The following S100A8 variants were observed in gnomAD, a reference collection of about 807,000 sequenced individuals.
S100A8 encodes the protein S100 calcium binding protein A8, also known as protein S100-A8.
A neutral mutation model predicts 4.2 loss-of-function variants in S100A8; 1 was observed. The observed-to-expected ratio is 0.24, with a 90% CI of 0.08 to 1.12. The LOEUF (loss-of-function observed/expected upper bound fraction) is 1.12. Ranked by LOEUF, S100A8 falls within the 50% of genes most tolerant of loss-of-function variation. The probability of loss-of-function intolerance (pLI) is 0.53; values close to 1 mark genes in which losing one functional copy is unlikely to be tolerated. For synonymous variants in S100A8, 41 were observed against 44.7 expected, an observed-to-expected ratio of 0.92 and a Z score of 0.33; for missense variants, 96 against 111.8, an observed-to-expected ratio of 0.86 and a Z score of 0.64.
upstream of S100A8, among the ~76,000 whole-genome samples, chr1:153,394,622 G>A (rs1662174208): frequency 6.6e-6 from 1 of 152,192 alleles, no homozygotes; most frequent in Non-Finnish European, 1.5e-5. Context: ...ATGGGGTGCA[G>A]ACATCTCCCA....
At chr1:153,402,278 C>T in the S100A8 span, among the ~76,000 whole-genome samples, 10 of 152,198 alleles carry the variant, frequency 6.6e-5, no homozygotes, top group Non-Finnish European at 1.5e-4. Context: ...CAAGGAATGA[C>T]AATTACAGGA....
chr1:153,411,153 T>G, the S100A8 span, among the ~76,000 whole-genome samples: 1 of 152,118 alleles, frequency 6.6e-6, no homozygotes, highest in South Asian at 2.1e-4. Flanking sequence ...GAGAAAGAAA[T>G]AAAGGGTATT....
At chr1:153,409,028 A>G in the S100A8 span, among the ~76,000 whole-genome samples, 2 of 152,254 alleles carry the variant, frequency 1.3e-5, no homozygotes, top group East Asian at 1.9e-4. Flanking sequence ...AAAACATGCC[A>G]AACTGTAAAG....
chr1:153,418,594 A>G, the S100A8 span, among the ~76,000 whole-genome samples: 2 of 152,152 alleles, frequency 1.3e-5, no homozygotes, highest in Middle Eastern at 3.2e-3. Context: ...AAAGCACTAG[A>G]AGTTCCATTG....
At chr1:153,397,930 G>A in the S100A8 span, among the ~76,000 whole-genome samples, 1 of 152,160 alleles carries the variant, frequency 6.6e-6, no homozygotes, top group Non-Finnish European at 1.5e-5. Flanking sequence ...ATGAGTGCAG[G>A]GTCCGGGCCA....
chr1:153,420,182 A>G, the S100A8 span: 6 of 152,330 alleles, frequency 3.9e-5, no homozygotes, highest in East Asian at 1.2e-3. Flanking sequence ...CAGCACCTCT[A>G]TCTCGCAGGT....
At chr1:153,402,190 T>C in the S100A8 span, among the ~76,000 whole-genome samples, 1 of 152,208 alleles carries the variant, frequency 6.6e-6, no homozygotes, top group South Asian at 2.1e-4. Context: ...ATTAAGTTCT[T>C]CCTCTTTGCT....
chr1:153,414,130 A>G, the S100A8 span, among the ~76,000 whole-genome samples: 1 of 152,158 alleles, frequency 6.6e-6, no homozygotes, highest in East Asian at 1.9e-4. Flanking sequence ...TCATAGACCT[A>G]CATGCAAAAC....
upstream of S100A8, among the ~76,000 whole-genome samples, chr1:153,394,381 C>A (rs1445003892): frequency 6.6e-6 from 1 of 152,168 alleles, no homozygotes. Context: ...AGAAGAGTGG[C>A]CAAAGTAACT....
the S100A8 span, among the ~76,000 whole-genome samples, chr1:153,414,825 C>T: frequency 6.6e-6 from 1 of 152,220 alleles, no homozygotes; most frequent in Non-Finnish European, 1.5e-5. Flanking sequence ...TGTATATGAA[C>T]ACATTGCACA....
chr1:153,399,927 T>G, the S100A8 span, among the ~76,000 whole-genome samples: 4 of 151,906 alleles, frequency 2.6e-5, no homozygotes, highest in African/African-American at 9.7e-5. Flanking sequence ...GGGTGCACAA[T>G]GAGAAGTTAG....
At chr1:153,403,827 T>G in the S100A8 span, among the ~76,000 whole-genome samples, 1 of 152,180 alleles carries the variant, frequency 6.6e-6, no homozygotes, top group Non-Finnish European at 1.5e-5. Flanking sequence ...TCCAACACTC[T>G]GAACACCATC....
intron 1 of S100A8, chr1:153,390,783 G>T: frequency 1.7e-6 from 1 of 590,892 alleles, no homozygotes; most frequent in Non-Finnish European, 2.8e-6. Context: ...CACACACACG[G>T]GGCCCGTAGA....
the S100A8 span, among the ~76,000 whole-genome samples, chr1:153,399,875 G>C: frequency 6.6e-6 from 1 of 152,200 alleles, no homozygotes; most frequent in South Asian, 2.1e-4. Flanking sequence ...AAAGGCCCGG[G>C]GCTGTAAAAG....
upstream of S100A8, among the ~76,000 whole-genome samples, chr1:153,395,329 C>T (rs972257229): frequency 1.3e-5 from 2 of 152,148 alleles, no homozygotes; most frequent in African/African-American, 4.8e-5. Flanking sequence ...CTGTCAGTGT[C>T]TGACTCAGCA....
the S100A8 span, chr1:153,419,252 C>T: frequency 8.1e-6 from 13 of 1,614,166 alleles, no homozygotes; most frequent in South Asian, 5.5e-5. Flanking sequence ...GAGACATAGC[C>T]GCAGACTACC....
At chr1:153,409,477 G>A in the S100A8 span, among the ~76,000 whole-genome samples, 1 of 152,144 alleles carries the variant, frequency 6.6e-6, no homozygotes, top group Admixed American at 6.5e-5. Flanking sequence ...GATTCATAAA[G>A]CAAGTCCATA....
At chr1:153,418,142 C>T in the S100A8 span, 432 of 1,614,092 alleles carry the variant, frequency 2.7e-4, 10 homozygotes, top group South Asian at 4.5e-3. Context: ...TTCACAAATA[C>T]ACCGGACGTG....
the S100A8 span, chr1:153,418,195 A>G: frequency 6.2e-7 from 1 of 1,614,026 alleles, no homozygotes; most frequent in Non-Finnish European, 8.5e-7. Flanking sequence ...ATGATGAAGG[A>G]GAACTTCCCC....
Sources: allele counts gnomAD v4.1 joint callset (sites outside exome capture counted in the v4.1 genomes callset), GRCh38; gene constraint gnomAD v4.1.1; transcripts MANE v1.5; gene names NCBI Gene and HGNC (gene_info 2026-07-23, HGNC 2026-07-21).